Variants in IRF2 observed in about 807,000 individuals in gnomAD.
IRF2 encodes interferon regulatory factor 2.
A neutral mutation model predicts 40.6 loss-of-function variants in IRF2; 15 were observed. The observed-to-expected ratio is 0.37, with a 90% confidence interval of 0.25 to 0.57. IRF2 has a LOEUF of 0.57. IRF2 is among the 20% of genes least tolerant of loss of function. The pLI, the probability that IRF2 is intolerant of heterozygous loss-of-function variation, is 0.77. For missense variants in IRF2, 317 were observed against 455.7 expected (o/e 0.70, Z 2.77); for synonymous variants, 151 against 165.5 (o/e 0.91, Z 0.67).
chr4:184,446,676 C>T (rs1032181517), intron 1 of IRF2, among the ~76,000 whole-genome samples: 6 of 152,022 alleles, frequency 3.9e-5, no homozygotes, highest in African/African-American at 1.5e-4. Flanking sequence ...TCATATATCT[C>T]AATAAACACA....
At chr4:184,409,400 T>C (rs560390924) in intron 5 of IRF2, among the ~76,000 whole-genome samples, 1 of 152,244 alleles carries the variant, frequency 6.6e-6, no homozygotes, top group South Asian at 2.1e-4. Flanking sequence ...AACTCCCACC[T>C]TAATAACATG....
chr4:184,397,886 C>T (rs771604504), intron 7 of IRF2, among the ~76,000 whole-genome samples: 3 of 152,080 alleles, frequency 2.0e-5, no homozygotes, highest in Non-Finnish European at 4.4e-5. Context: ...GTAATGTTGG[C>T]GAACGAGAGG....
At chr4:184,431,021 A>T (rs569646263) in intron 1 of IRF2, among the ~76,000 whole-genome samples, 2 of 152,202 alleles carry the variant, frequency 1.3e-5, no homozygotes, top group East Asian at 3.9e-4. Flanking sequence ...TGCTAGTCCT[A>T]CAAAGCGCAA....
At chr4:184,416,970 C>T (rs1409306630) in intron 5 of IRF2, among the ~76,000 whole-genome samples, 1 of 152,054 alleles carries the variant, frequency 6.6e-6, no homozygotes, top group Non-Finnish European at 1.5e-5. Flanking sequence ...CGCTTGAACC[C>T]AGGAGGCGGA....
At position 184,418,600 on chromosome 4, in the gene IRF2, A is replaced by C. The variant is rs1431308705; in HGVS notation, c.296T>G (p.Ile99Arg). 2.5e-6 allele frequency: 4 copies of C among 1,614,162 alleles called. No homozygotes were observed. Among genetic ancestry groups the C allele is most frequent in the Non-Finnish European group, 2.5e-6 (3 of 1,180,004 alleles). The change falls in exon 4 of 9, where the codon ATA becomes AGA. Residue 99 changes from isoleucine to arginine, a missense_variant. This residue lies in a region of IRF2 where 262 missense variants were observed against 334.0 expected (regional missense o/e 0.78). Transcript: ENST00000393593. ...CCTGAAGGCATTATTTCCTTTCTTTATGCTTTTATCCTTGACTTCTTCAAT... is the reference window on the plus strand; with the variant it reads ...CCTGAAGGCATTATTTCCTTTCTTTCTGCTTTTATCCTTGACTTCTTCAAT... ...PDIEEVKDKSIKKGNNAFRVY... is the reference protein window; with the variant it reads ...PDIEEVKDKSRKKGNNAFRVY...
chr4:184,467,785 A>G (rs1356859097), intron 1 of IRF2, among the ~76,000 whole-genome samples: 7 of 152,270 alleles, frequency 4.6e-5, no homozygotes, highest in Non-Finnish European at 1.0e-4. Context: ...CGAGTATCAA[A>G]TGCCTTCAGC....
intron 1 of IRF2, among the ~76,000 whole-genome samples, chr4:184,457,357 C>T (rs1343530797): frequency 6.6e-6 from 1 of 152,138 alleles, no homozygotes; most frequent in African/African-American, 2.4e-5. Context: ...TTCTGTGGCC[C>T]GGCGTGACGT....
intron 1 of IRF2, chr4:184,432,069 A>C (rs1737904625): frequency 6.6e-6 from 1 of 152,250 alleles, no homozygotes; most frequent in South Asian, 2.1e-4. Flanking sequence ...GTCAATTGTC[A>C]GGTAAAGCAA....
At chr4:184,455,778 A>C (rs1225606553) in intron 1 of IRF2, among the ~76,000 whole-genome samples, 1 of 152,222 alleles carries the variant, frequency 6.6e-6, no homozygotes, top group Admixed American at 6.5e-5. Flanking sequence ...TACTATTTAC[A>C]TGCCATTTTC....
chr4:184,395,653 C>T (rs1191108913), intron 7 of IRF2, among the ~76,000 whole-genome samples: 1 of 152,180 alleles, frequency 6.6e-6, no homozygotes, highest in Non-Finnish European at 1.5e-5. Flanking sequence ...CCACTGTGAG[C>T]TCTAGAACAT....
At position 184,435,315 on chromosome 4, in the gene IRF2, T is replaced by G. The variant is rs909062178; in HGVS notation, c.-6-6245A>C. Among the ~76,000 whole-genome samples, 4 of 152,214 alleles carry G rather than the reference T, an allele frequency of 2.6e-5. No individual in the cohort carries two copies. In the South Asian group the frequency reaches 8.3e-4, roughly 32 times the overall value. ...AGACTTTCCAAACTCCTCTCCGTCT[T>G]GCAAACCACTGACAGTCATCTTCCT... is the stretch of plus-strand genomic sequence containing the variant. On this transcript the variant is annotated intron_variant, in intron 1 of 8. Coordinates refer to ENST00000393593, the MANE Select transcript of IRF2 (RefSeq NM_002199.4).
intron 1 of IRF2, 119 bp from the exon 2 acceptor site, chr4:184,429,189 G>T (rs991766237): frequency 1.5e-5 from 10 of 673,280 alleles, no homozygotes; most frequent in Non-Finnish European, 2.3e-5. Context: ...TGGGGACCAG[G>T]GGGCTGGGGG....
At chr4:184,418,974 A>C (rs1448036814) in intron 3 of IRF2, among the ~76,000 whole-genome samples, 1 of 152,196 alleles carries the variant, frequency 6.6e-6, no homozygotes, top group Non-Finnish European at 1.5e-5. Context: ...AGGAAACTAT[A>C]AATGCTGGAA....
chr4:184,436,939 G>A (rs1268086316), intron 1 of IRF2, among the ~76,000 whole-genome samples: 2 of 152,088 alleles, frequency 1.3e-5, no homozygotes, highest in East Asian at 1.9e-4. Flanking sequence ...AGACTAGAGT[G>A]CAGTGGTGCA....
rs1356880232 is a variant in IRF2 at position 184,408,580 on chromosome 4, TTG to T, written c.412-307_412-306del. On this transcript the variant is annotated intron_variant, in intron 5 of 8. Transcript: ENST00000393593. This position sits in a 1 kb window ranked among gnomAD's most constrained non-coding sequence, Gnocchi z 4.9. The stretch of plus-strand genomic sequence containing the variant: ...TTTGGGGCTACGCAGAGCTGCATCA[TTG>T]TCTCTGTAAAATGCTGCACTGCGTG... Among the ~76,000 whole-genome samples the T allele has an allele frequency of 6.6e-6, 1 of 152,206 alleles. No homozygotes were observed. The highest frequency in any genetic ancestry group is 1.5e-5 in the Non-Finnish European group (1 of 68,026).
intron 7 of IRF2, among the ~76,000 whole-genome samples, chr4:184,395,637 T>C (rs1211610576): frequency 6.6e-6 from 1 of 152,204 alleles, no homozygotes; most frequent in Non-Finnish European, 1.5e-5. Context: ...AGGGAAATGT[T>C]TTACACCACT....
rs1208560613 is a variant in IRF2, at chr4:184,398,926, G to A, written c.683C>T (p.Ser228Phe). The change falls in exon 7 of 9, where the codon TCT (serine) becomes TTT (phenylalanine). Residue 228 changes from serine (S) to phenylalanine (F), a missense_variant. Ser to Phe is a radical substitution (Grantham distance 155, BLOSUM62 -2). Around this residue, in one of 2 missense-constraint regions of IRF2, gnomAD observed 262 missense variants for 334.0 expected, o/e 0.78. Transcript: ENST00000393593. ...CCGCTGACGCTTACCTGCATAGGAA[G>A]ACACGGGGGAGATCTGCAGAGGGTA... is the stretch of plus-strand genomic sequence containing the variant. ...ELYPLQISPV[S>F]SYAESETTDS... The A allele has an allele frequency of 1.9e-6, 3 of 1,605,234 alleles. No individual in the cohort carries two copies. Among genetic ancestry groups the A allele is most frequent in the Non-Finnish European group, 8.5e-7 (1 of 1,176,608 alleles).
chr4:184,458,830 T>A (rs1739034080), intron 1 of IRF2, among the ~76,000 whole-genome samples: 1 of 152,204 alleles, frequency 6.6e-6, no homozygotes, highest in African/African-American at 2.4e-5. Flanking sequence ...CATACAGTTG[T>A]GATATTTCAC....
intron 7 of IRF2, among the ~76,000 whole-genome samples, chr4:184,397,187 G>A (rs916665699): frequency 3.3e-5 from 5 of 152,196 alleles, no homozygotes; most frequent in Non-Finnish European, 7.4e-5. Flanking sequence ...TTCCACTTAC[G>A]CTCCTAGCAT....
Sources: gnomAD v4.1 joint callset for allele counts (sites outside exome capture counted in the v4.1 genomes callset) on GRCh38, gnomAD v4.1.1 for gene constraint, gnomAD v4.1.1 regional missense constraint, Gnocchi (gnomAD v3.1) non-coding constraint, MANE v1.5 for transcripts, NCBI Gene and HGNC (gene_info 2026-07-23, HGNC 2026-07-21) for gene names.